Variants in MYO10 observed in about 807,000 individuals in gnomAD.
MYO10 encodes the protein unconventional myosin-X.
A neutral mutation model predicts 257.3 loss-of-function variants in MYO10; 133 were observed. The observed-to-expected ratio is 0.52, with a 90% CI of 0.45 to 0.60. MYO10 has a LOEUF of 0.60. Among genes scored for constraint, MYO10 ranks in the 20% least tolerant of loss-of-function variants. The probability of loss-of-function intolerance (pLI) is 0.00; values close to 1 mark genes in which losing one functional copy is unlikely to be tolerated. For synonymous variants in MYO10, 1,104 were observed against 1,028.6 expected (o/e 1.07, Z -1.40); for missense variants, 2,399 against 2,635.7 (o/e 0.91, Z 1.97).
rs115587172 is a variant in MYO10 at position 16,748,861 on chromosome 5, G to A, written c.1929+5967C>T. 3.3e-3 allele frequency among the ~76,000 whole-genome samples: 509 copies of A among 152,216 alleles called. 2 individuals are homozygous for A. The highest frequency in any genetic ancestry group is 0.012 in the African/African-American group (486 of 41,524). On this transcript the variant is annotated intron_variant, in intron 19 of 40. Coordinates refer to ENST00000513610, the MANE Select transcript of MYO10 (RefSeq NM_012334.3). ...GAGTCTGACCTAAGAAGGAAGCCCC[G>A]TGGAAGAGAGGAATACAGGTCATCA...
chr5:16,882,166 C>T (rs1744771102), intron 1 of MYO10, among the ~76,000 whole-genome samples: 1 of 152,154 alleles, frequency 6.6e-6, no homozygotes, highest in South Asian at 2.1e-4. Context: ...AACTTTAAAG[C>T]AATCCTATAA....
chr5:16,708,641 A>G (rs1738454859), intron 21 of MYO10, among the ~76,000 whole-genome samples: 1 of 152,166 alleles, frequency 6.6e-6, no homozygotes, highest in Non-Finnish European at 1.5e-5. Flanking sequence ...GGCTCACTGC[A>G]GTCTTGACCT....
intron 33 of MYO10, among the ~76,000 whole-genome samples, chr5:16,677,765 CTTT>C (rs10639073): frequency 6.8e-6 from 1 of 146,614 alleles, no homozygotes; most frequent in Non-Finnish European, 1.5e-5. Flanking sequence ...CATATTTACT[CTTT>C]TTTTTTTTGC....
chr5:16,836,713 T>C (rs1333716119), intron 2 of MYO10, among the ~76,000 whole-genome samples: 4 of 152,240 alleles, frequency 2.6e-5, no homozygotes, highest in Non-Finnish European at 5.9e-5. Flanking sequence ...TATTTATGCC[T>C]TTTAAATATA....
rs562632778 is a variant in MYO10, at chr5:16,818,604, G to C, written c.121-437C>G. Among the ~76,000 whole-genome samples, 30 of 22,272 alleles carry C rather than the reference G, an allele frequency of 1.3e-3. 1 individual carries two copies. In the East Asian group the frequency reaches 0.029, roughly 22 times the overall value. 14.6% of individuals were successfully genotyped at this position (22,272 alleles called of 152,430 possible). A position where few individuals can be genotyped will look rare whatever the true frequency, so the allele number is the denominator to read the frequency against. Reference sequence around the variant, plus strand: ...ATGTGCCACCAGCCAGCTAATTTTTGCATTTTTTTTTTTTTTAGATACAGG... The same window carrying C: ...ATGTGCCACCAGCCAGCTAATTTTTCCATTTTTTTTTTTTTTAGATACAGG... On this transcript the variant is annotated intron_variant, in intron 2 of 40. Coordinates refer to ENST00000513610, the MANE Select transcript of MYO10 (RefSeq NM_012334.3).
chr5:16,777,526 C>T (rs563104286), intron 9 of MYO10, among the ~76,000 whole-genome samples: 6 of 152,280 alleles, frequency 3.9e-5, no homozygotes, highest in African/African-American at 1.2e-4. Flanking sequence ...AGTCTTCCAG[C>T]GGCAGCCTAG....
intron 21 of MYO10, among the ~76,000 whole-genome samples, chr5:16,707,390 C>A (rs1298063650): frequency 6.6e-6 from 1 of 152,194 alleles, no homozygotes. Context: ...TCAAAGCAGG[C>A]ACCAAAGCAG....
intron 19 of MYO10, among the ~76,000 whole-genome samples, chr5:16,723,491 TG>T: frequency 6.6e-6 from 1 of 152,148 alleles, no homozygotes; most frequent in Non-Finnish European, 1.5e-5. Flanking sequence ...AGCAAAAATG[TG>T]GAGCAACAAG....
At chr5:16,820,980 T>C (rs912149787) in intron 2 of MYO10, among the ~76,000 whole-genome samples, 3 of 147,420 alleles carry the variant, frequency 2.0e-5, no homozygotes, top group African/African-American at 7.4e-5. Context: ...ATCTTATATA[T>C]ATTATATAAG....
chr5:16,862,936 G>C (rs1744147996), intron 2 of MYO10, among the ~76,000 whole-genome samples: 1 of 152,152 alleles, frequency 6.6e-6, no homozygotes, highest in Admixed American at 6.5e-5. Flanking sequence ...TAAGGGGGCT[G>C]AGCTACCTAG....
chr5:16,904,580 C>G (rs1317336441), intron 1 of MYO10, among the ~76,000 whole-genome samples: 1 of 152,198 alleles, frequency 6.6e-6, no homozygotes, highest in African/African-American at 2.4e-5. Flanking sequence ...TGCTGCAGAA[C>G]TGATTGCTTG....
chr5:16,867,887 C>T (rs929157612), intron 2 of MYO10, among the ~76,000 whole-genome samples: 9 of 152,140 alleles, frequency 5.9e-5, no homozygotes, highest in Admixed American at 2.0e-4. Context: ...AGGAGGTTGT[C>T]TACTTGCAGA....
intron 2 of MYO10, among the ~76,000 whole-genome samples, chr5:16,818,412 A>G (rs12188591): frequency 0.01 from 839 of 82,250 alleles, 19 homozygotes; most frequent in African/African-American, 0.039. Context: ...GTGTGTGTGT[A>G]TATATATATA....
chr5:16,691,867 G>C (rs535840416), intron 27 of MYO10, among the ~76,000 whole-genome samples: 1 of 152,108 alleles, frequency 6.6e-6, no homozygotes, highest in Admixed American at 6.5e-5. Context: ...CAATTCACAA[G>C]AAACAAATGA....
intron 2 of MYO10, among the ~76,000 whole-genome samples, chr5:16,853,053 G>A (rs1373541252): frequency 2.6e-5 from 4 of 152,186 alleles, no homozygotes; most frequent in East Asian, 1.9e-4. Context: ...AGAGAGCCTC[G>A]AAATCCATTA....
chr5:16,761,913 A>C, intron 16 of MYO10, 132 bp downstream of exon 16: 5 of 947,818 alleles, frequency 5.3e-6, no homozygotes, highest in Non-Finnish European at 7.5e-6. Flanking sequence ...TCAGCCTCCC[A>C]AAGTACTGGG....
At chr5:16,668,090 T>A (rs549762129) in intron 40 of MYO10, among the ~76,000 whole-genome samples, 187 bp downstream of exon 40, 1 of 151,980 alleles carries the variant, frequency 6.6e-6, no homozygotes, top group East Asian at 1.9e-4. Flanking sequence ...ACAAAAAAAA[T>A]ATGGTGATCT....
intron 2 of MYO10, among the ~76,000 whole-genome samples, chr5:16,848,997 C>T (rs984612442): frequency 4.6e-5 from 7 of 152,074 alleles, no homozygotes; most frequent in Non-Finnish European, 1.0e-4. Context: ...CCTCTGTTGC[C>T]CAGGCTGGAG....
At chr5:16,777,361 G>C (rs1741250278) in intron 9 of MYO10, among the ~76,000 whole-genome samples, 1 of 152,148 alleles carries the variant, frequency 6.6e-6, no homozygotes. Context: ...TAGTCCGTTT[G>C]GAATTTCATT....
Sources: allele counts gnomAD v4.1 joint callset (sites outside exome capture counted in the v4.1 genomes callset), GRCh38; gene constraint gnomAD v4.1.1; transcripts MANE v1.5; gene names NCBI Gene and HGNC (gene_info 2026-07-23, HGNC 2026-07-21).